KCNB2: variants seen among roughly 807,000 people sequenced by gnomAD.
KCNB2 encodes potassium voltage-gated channel subfamily B member 2.
Under a neutral mutation model 61.5 loss-of-function variants are expected in KCNB2, and 15 were observed. The ratio of observed to expected loss-of-function variants is 0.24; its 90% CI spans 0.16 to 0.38. KCNB2 has a LOEUF of 0.38. KCNB2 is among the 10% of genes least tolerant of loss of function. KCNB2 has a pLI of 1.00. For missense variants in KCNB2, 828 were observed against 1,125.2 expected, an observed-to-expected ratio of 0.74 and a Z score of 3.78; for synonymous variants, 457 against 446.0, an observed-to-expected ratio of 1.02 and a Z score of -0.31.
chr8:72,565,710 CACATA>C (rs1282996043), intron 1 of KCNB2, among the ~76,000 whole-genome samples: 4 of 151,904 alleles, frequency 2.6e-5, no homozygotes, highest in Non-Finnish European at 5.9e-5. Context: ...ATATTATATA[CACATA>C]ACATATAAAC....
At chr8:72,699,620 T>C (rs1043824277) in intron 2 of KCNB2, among the ~76,000 whole-genome samples, 1 of 152,220 alleles carries the variant, frequency 6.6e-6, no homozygotes, top group Non-Finnish European at 1.5e-5. Flanking sequence ...TTTATCAATT[T>C]TGGCTTTGGT....
intron 2 of KCNB2, among the ~76,000 whole-genome samples, chr8:72,703,343 C>T (rs1807165741): frequency 6.6e-6 from 1 of 152,164 alleles, no homozygotes; most frequent in Non-Finnish European, 1.5e-5. Flanking sequence ...CCCCTGGACT[C>T]AACACCTGTG....
At chr8:72,846,291 T>C (rs1809992609) in intron 2 of KCNB2, among the ~76,000 whole-genome samples, 1 of 151,832 alleles carries the variant, frequency 6.6e-6, no homozygotes, top group African/African-American at 2.4e-5. Flanking sequence ...GTCTAACCAC[T>C]CCCAATGAGA....
chr8:72,785,423 T>C lies in KCNB2; in HGVS notation c.580-150512T>C, dbSNP rs188907027. ...CTGTCAAGTTCATCCTTGGGAGTGA[T>C]GAGAGCCATTGAGGAAATAATAAAA... On this transcript the variant is annotated intron_variant, in intron 2 of 2. Transcript: ENST00000523207. 7.9e-4 allele frequency among the ~76,000 whole-genome samples: 121 copies of C among 152,294 alleles called. 1 individual carries two copies. Among genetic ancestry groups the C allele is most frequent in the East Asian group, 3.9e-4 (2 of 5,186 alleles).
intron 1 of KCNB2, among the ~76,000 whole-genome samples, chr8:72,539,979 G>A (rs1048370947): frequency 1.3e-5 from 2 of 152,228 alleles, no homozygotes; most frequent in Admixed American, 6.5e-5. Flanking sequence ...TTTCGGTCAC[G>A]TTTCTCAACT....
chr8:72,675,068 C>T (rs1806629363), intron 2 of KCNB2, among the ~76,000 whole-genome samples: 1 of 151,948 alleles, frequency 6.6e-6, no homozygotes, highest in South Asian at 2.1e-4. Flanking sequence ...TTGCATACAA[C>T]TAAATGTAGA....
At chr8:72,831,162 G>A (rs895692318) in intron 2 of KCNB2, among the ~76,000 whole-genome samples, 5 of 152,150 alleles carry the variant, frequency 3.3e-5, no homozygotes, top group African/African-American at 1.2e-4. Flanking sequence ...CTTAGGCTGC[G>A]GGCTACCCCA....
chr8:72,747,641 A>G (rs1433640372), intron 2 of KCNB2, among the ~76,000 whole-genome samples: 2 of 152,228 alleles, frequency 1.3e-5, no homozygotes, highest in East Asian at 3.8e-4. Context: ...AGAGAAGTAA[A>G]GAAACAAAGA....
chr8:72,744,075 A>G (rs1424456635), intron 2 of KCNB2, among the ~76,000 whole-genome samples: 4 of 152,170 alleles, frequency 2.6e-5, no homozygotes, highest in Non-Finnish European at 5.9e-5. Flanking sequence ...AAAAAAAGAA[A>G]CCAGCCTTTT....
chr8:72,754,637 A>T, intron 2 of KCNB2, among the ~76,000 whole-genome samples: 1 of 152,210 alleles, frequency 6.6e-6, no homozygotes, highest in East Asian at 1.9e-4. Context: ...GACTTGAGTA[A>T]AATTTATAAC....
intron 2 of KCNB2, among the ~76,000 whole-genome samples, chr8:72,621,288 A>G (rs1216783629): frequency 6.6e-6 from 1 of 152,138 alleles, no homozygotes; most frequent in Non-Finnish European, 1.5e-5. Flanking sequence ...CTGGTGGTAT[A>G]TGTGGAGGAC....
At chr8:72,885,085 G>A (rs1422695640) in intron 2 of KCNB2, among the ~76,000 whole-genome samples, 2 of 151,952 alleles carry the variant, frequency 1.3e-5, no homozygotes, top group African/African-American at 4.8e-5. Context: ...AAAATTTTTG[G>A]TGTCTATTGA....
In KCNB2 at chr8:72,938,068, C is replaced by T. The variant is rs757976810; in HGVS notation, c.2713C>T (p.Pro905Ser). 9 of 1,610,680 alleles carry T rather than the reference C, an allele frequency of 5.6e-6. No individual in the cohort carries two copies. In the Admixed American group the frequency reaches 1.5e-4, roughly 27 times the overall value. ...HSNPGDTGYC[P>S]TRETSM ...CAACCCAGGAGACACAGGTTATTGT[C>T]CCACACGTGAAACCAGCATGTGACT... is the stretch of plus-strand genomic sequence containing the variant. The change falls in exon 3 of 3, where the codon CCC becomes TCC. Residue 905 changes from proline (P) to serine (S), a missense_variant. Pro to Ser is a moderately conservative substitution (Grantham distance 74, BLOSUM62 -1). Transcript: ENST00000523207.
intron 2 of KCNB2, among the ~76,000 whole-genome samples, chr8:72,672,567 TTCACTG>T (rs1407324209): frequency 6.6e-6 from 1 of 152,196 alleles, no homozygotes; most frequent in Non-Finnish European, 1.5e-5. Context: ...CCTATTATCA[TTCACTG>T]ATATTTAATA....
chr8:72,836,510 A>G (rs1398668707), intron 2 of KCNB2, among the ~76,000 whole-genome samples: 1 of 152,230 alleles, frequency 6.6e-6, no homozygotes, highest in East Asian at 1.9e-4. Context: ...AAATGTAACA[A>G]GATAATGTGT....
intron 2 of KCNB2, among the ~76,000 whole-genome samples, chr8:72,674,209 T>A (rs568180016): frequency 6.6e-6 from 1 of 152,230 alleles, no homozygotes. Context: ...ATTATTACCC[T>A]TAATTGTCTG....
chr8:72,550,481 G>A (rs1384231582), intron 1 of KCNB2, among the ~76,000 whole-genome samples: 6 of 152,188 alleles, frequency 3.9e-5, no homozygotes, highest in Non-Finnish European at 5.9e-5. Context: ...CAGTGAGTTT[G>A]CCCCAGGTCC....
Position 72,938,071 on chromosome 8 carries a change from A to G in KCNB2, c.2716A>G (p.Thr906Ala), listed in dbSNP as rs549145869. ...CCCAGGAGACACAGGTTATTGTCCC[A>G]CACGTGAAACCAGCATGTGACTAGT... Reference protein sequence around the residue: ...SNPGDTGYCPTRETSM With the variant: ...SNPGDTGYCPARETSM Residue 906 changes from threonine (T) to alanine (A), a missense_variant, in exon 3 of 3, where the codon ACA becomes GCA. By Grantham distance (58) the Thr-to-Ala change is moderately conservative. This residue lies in a region of KCNB2 where 559 missense variants were observed against 588.4 expected (regional missense o/e 0.95). Coordinates refer to ENST00000523207, the MANE Select transcript of KCNB2 (RefSeq NM_004770.3). 9.9e-6 allele frequency: 16 copies of G among 1,610,234 alleles called. No homozygotes were observed. The South Asian group carries it at 1.6e-4, about 16-fold the overall frequency.
chr8:72,805,606 G>T (rs1809206597), intron 2 of KCNB2, among the ~76,000 whole-genome samples: 1 of 152,158 alleles, frequency 6.6e-6, no homozygotes, highest in Admixed American at 6.5e-5. Context: ...TTGACCCAAA[G>T]ATGTTTAAAA....
Sources: allele counts gnomAD v4.1 joint callset (sites outside exome capture counted in the v4.1 genomes callset), GRCh38; gene constraint gnomAD v4.1.1; regional missense constraint gnomAD v4.1.1; transcripts MANE v1.5; gene names NCBI Gene and HGNC (gene_info 2026-07-23, HGNC 2026-07-21).